Variants in CADPS2 observed in about 807,000 individuals in gnomAD.
CADPS2 encodes calcium-dependent secretion activator 2.
CADPS2 carries 93 observed loss-of-function variants against 172.5 expected under a neutral mutation model. The observed-to-expected ratio is 0.54, with a 90% CI of 0.46 to 0.64. The LOEUF (loss-of-function observed/expected upper bound fraction) is 0.64. Ranked by LOEUF, CADPS2 falls within the 30% of genes least tolerant of loss-of-function variation. CADPS2 has a pLI of 0.00. For missense variants in CADPS2, 1,420 were observed against 1,565.9 expected (o/e 0.91, Z 1.57); for synonymous variants, 546 against 555.2 (o/e 0.98, Z 0.23).
chr7:122,667,430 T>G (rs1360432437), intron 2 of CADPS2, among the ~76,000 whole-genome samples: 1 of 152,100 alleles, frequency 6.6e-6, no homozygotes, highest in Admixed American at 6.5e-5. Context: ...ACTTACATTT[T>G]TGAACTCATT....
intron 5 of CADPS2, among the ~76,000 whole-genome samples, chr7:122,618,462 C>T (rs1378092434): frequency 6.6e-6 from 1 of 151,616 alleles, no homozygotes; most frequent in Non-Finnish European, 1.5e-5. Context: ...TTGGTAAGTA[C>T]TACAGCAAAA....
intron 12 of CADPS2, among the ~76,000 whole-genome samples, chr7:122,475,050 A>G (rs1210106992): frequency 6.6e-6 from 1 of 152,200 alleles, no homozygotes; most frequent in Non-Finnish European, 1.5e-5. Context: ...AGAGACAGGA[A>G]AAAGGGAGCA....
chr7:122,813,766 C>T (rs1420310664), intron 1 of CADPS2, among the ~76,000 whole-genome samples: 1 of 152,092 alleles, frequency 6.6e-6, no homozygotes, highest in Non-Finnish European at 1.5e-5. Context: ...CAATAAAAGA[C>T]AGTGGATATT....
chr7:122,416,279 T>G, intron 17 of CADPS2, 115 bp from the exon 18 acceptor site: 1 of 479,510 alleles, frequency 2.1e-6, no homozygotes, highest in Non-Finnish European at 3.6e-6. Flanking sequence ...GAAATACAAA[T>G]GAATACATTA....
intron 3 of CADPS2, among the ~76,000 whole-genome samples, chr7:122,633,148 C>T (rs2076738380): frequency 6.6e-6 from 1 of 151,986 alleles, no homozygotes; most frequent in Non-Finnish European, 1.5e-5. Flanking sequence ...TGGCTTTGTT[C>T]TTTTTGCTTA....
intron 8 of CADPS2, among the ~76,000 whole-genome samples, chr7:122,519,901 A>T (rs957894721): frequency 6.6e-6 from 1 of 152,040 alleles, no homozygotes; most frequent in African/African-American, 2.4e-5. Context: ...TTAAGCCAAA[A>T]TAGTTACTAC....
At chr7:122,616,931 T>C (rs569447574) in intron 5 of CADPS2, among the ~76,000 whole-genome samples, 22 of 152,350 alleles carry the variant, frequency 1.4e-4, no homozygotes, top group Middle Eastern at 3.4e-3. Flanking sequence ...ATTTCTCTAA[T>C]AACTTCTTAA....
At chr7:122,349,961 T>G (rs1266044857) in intron 27 of CADPS2, among the ~76,000 whole-genome samples, 1 of 152,180 alleles carries the variant, frequency 6.6e-6, no homozygotes, top group Non-Finnish European at 1.5e-5. Flanking sequence ...ACAAACACTG[T>G]CATGGTGCCT....
intron 2 of CADPS2, among the ~76,000 whole-genome samples, chr7:122,682,866 TG>T (rs2083203395): frequency 6.6e-6 from 1 of 152,158 alleles, no homozygotes; most frequent in Non-Finnish European, 1.5e-5. Context: ...CCCTCTTGGG[TG>T]GGAACTCAGT....
intron 24 of CADPS2, among the ~76,000 whole-genome samples, chr7:122,381,100 G>A (rs1279250073): frequency 6.6e-6 from 1 of 152,074 alleles, no homozygotes. Flanking sequence ...TGCACTGGCT[G>A]ATGGGTAGGG....
At chr7:122,692,297 C>T (rs2136070148) in intron 2 of CADPS2, among the ~76,000 whole-genome samples, 1 of 152,292 alleles carries the variant, frequency 6.6e-6, no homozygotes, top group Admixed American at 6.5e-5. Flanking sequence ...TAGGCTCACC[C>T]TTGGTGCCCA....
intron 17 of CADPS2, among the ~76,000 whole-genome samples, chr7:122,425,422 T>C (rs2049036693): frequency 1.1e-5 from 1 of 92,898 alleles, no homozygotes; most frequent in South Asian, 4.0e-4. Flanking sequence ...ACCCTATCTC[T>C]ACCAAAAAAA....
chr7:122,657,053 T>C (rs1208796947), intron 3 of CADPS2, among the ~76,000 whole-genome samples: 1 of 152,238 alleles, frequency 6.6e-6, no homozygotes, highest in Non-Finnish European at 1.5e-5. Flanking sequence ...CAGCACCATT[T>C]ATTAAATAGG....
At position 122,702,554 on chromosome 7, in the gene CADPS2, G is replaced by C. The variant is rs544403291; in HGVS notation, c.453+34401C>G. 3 of 1,613,526 alleles carry C rather than the reference G, an allele frequency of 1.9e-6. No individual in the cohort carries two copies. The South Asian group carries it at 3.3e-5, about 18-fold the overall frequency. On this transcript the variant is annotated intron_variant, in intron 2 of 29. Coordinates refer to ENST00000449022, the MANE Select transcript of CADPS2 (RefSeq NM_017954.11). ...CACACCAGACACCCTTTCCAGAGGA[G>C]AATGATTCCCGAACACTCCACTCTC... is the stretch of plus-strand genomic sequence containing the variant.
At chr7:122,524,482 C>A (rs2061048575) in intron 8 of CADPS2, among the ~76,000 whole-genome samples, 1 of 152,048 alleles carries the variant, frequency 6.6e-6, no homozygotes, top group Non-Finnish European at 1.5e-5. Context: ...CTTGGAACAT[C>A]TGGATACAAG....
At chr7:122,566,054 G>T (rs1046588859) in intron 7 of CADPS2, among the ~76,000 whole-genome samples, 1 of 152,008 alleles carries the variant, frequency 6.6e-6, no homozygotes, top group Admixed American at 6.6e-5. Context: ...TTCTGTGCTT[G>T]GCATATTTCA....
intron 4 of CADPS2, among the ~76,000 whole-genome samples, chr7:122,626,055 G>A (rs2076059553): frequency 6.6e-6 from 1 of 152,188 alleles, no homozygotes. Context: ...TCGCCAAAGT[G>A]GATTGAGCAA....
chr7:122,656,394 C>T (rs1371671337), intron 3 of CADPS2, among the ~76,000 whole-genome samples: 1 of 152,118 alleles, frequency 6.6e-6, no homozygotes, highest in Non-Finnish European at 1.5e-5. Context: ...TACCACCCCA[C>T]TCCAGCCCTC....
In CADPS2 at chr7:122,445,968, G is replaced by GT. The variant is rs1025270031; in HGVS notation, c.2289-4394dup. ...CAATTTGGATGACTTCAAAAAATTT[G>GT]TTTTTTTCAGAATCAATGCACTACC... On this transcript the variant is annotated intron_variant, in intron 15 of 29. Coordinates refer to ENST00000449022, the MANE Select transcript of CADPS2 (RefSeq NM_017954.11). Among the ~76,000 whole-genome samples the GT allele has an allele frequency of 3.5e-4, 53 of 152,138 alleles. 1 individual carries two copies. The highest frequency in any genetic ancestry group is 9.9e-4 in the African/African-American group (41 of 41,508).
Sources: gnomAD v4.1 joint callset for allele counts (sites outside exome capture counted in the v4.1 genomes callset) on GRCh38, gnomAD v4.1.1 for gene constraint, MANE v1.5 for transcripts, NCBI Gene and HGNC (gene_info 2026-07-23, HGNC 2026-07-21) for gene names.